PAM: variants seen among roughly 807,000 people sequenced by gnomAD.
PAM encodes peptidyl-glycine alpha-amidating monooxygenase.
In PAM, 72 loss-of-function variants were observed where a neutral mutation model predicts 122.1. The ratio of observed to expected loss-of-function variants is 0.59; its 90% CI spans 0.49 to 0.72. The LOEUF (loss-of-function observed/expected upper bound fraction) is 0.72. Ranked by LOEUF, PAM falls within the 30% of genes least tolerant of loss-of-function variation. PAM has a pLI of 0.00. For synonymous variants in PAM, 389 were observed against 404.4 expected, an observed-to-expected ratio of 0.96 and a Z score of 0.46; for missense variants, 1,106 against 1,183.7, an observed-to-expected ratio of 0.93 and a Z score of 0.96.
In PAM at chr5:102,974,199, G is replaced by A. The variant is rs1766848034; in HGVS notation, c.1246G>A (p.Ala416Thr). Residue 416 changes from alanine to threonine, a missense_variant, in exon 15 of 26, where the codon GCA becomes ACA. By Grantham distance (58) the Ala-to-Thr change is moderately conservative. This residue lies in a region of PAM where 670 missense variants were observed against 690.3 expected (regional missense o/e 0.97). Transcript: ENST00000438793. Reference sequence around the variant, plus strand: ...GCACAAATATAATCCTACAGAAAAGGCAGAATCAGAGTCAGACCTGGTAGC... The same window carrying A: ...GCACAAATATAATCCTACAGAAAAGACAGAATCAGAGTCAGACCTGGTAGC... ...HVHKYNPTEK[A>T]ESESDLVAEI... 2 of 1,613,684 alleles carry A rather than the reference G, an allele frequency of 1.2e-6. No individual in the cohort carries two copies. Among genetic ancestry groups the A allele is most frequent in the Admixed American group, 1.7e-5 (1 of 59,952 alleles).
In PAM at chr5:103,029,031, C is replaced by T. The variant is rs1785826595; in HGVS notation, c.2888C>T (p.Ala963Val). Residue 963 changes from alanine (A) to valine (V), a missense_variant, in exon 26 of 26, where the codon GCA (alanine) becomes GTA (valine). Transcript: ENST00000438793. ...AGTGAATCAGAAGAGGAGTATTCAG[C>T]ACCTCTGCCTGCGCTCGCACCTTCC... is the stretch of plus-strand genomic sequence containing the variant. ...DGSESEEEYSAPLPALAPSSS is the reference protein window; with the variant it reads ...DGSESEEEYSVPLPALAPSSS The T allele has an allele frequency of 6.2e-7, 1 of 1,612,596 alleles. No individual in the cohort carries two copies. Among genetic ancestry groups the T allele is most frequent in the South Asian group, 1.1e-5 (1 of 90,784 alleles).
intron 1 of PAM, among the ~76,000 whole-genome samples, chr5:102,805,610 A>G (rs1766015949): frequency 6.6e-6 from 1 of 152,156 alleles, no homozygotes; most frequent in Non-Finnish European, 1.5e-5. Flanking sequence ...GTGGGTGTGT[A>G]CTTCACAAGG....
intron 1 of PAM, among the ~76,000 whole-genome samples, chr5:102,835,569 CA>C: frequency 6.6e-6 from 1 of 151,920 alleles, no homozygotes; most frequent in Middle Eastern, 3.4e-3. Context: ...AAGAACCCCA[CA>C]AGTGTGAGGG....
Position 102,840,732 on chromosome 5 carries a change from C to G in PAM, c.-373-25091C>G, listed in dbSNP as rs541365630. ...CAGCCCCCATTCTCATGGTCCAATA[C>G]AGCTGTTAAGCCTCCAATCATCACA... is the stretch of plus-strand genomic sequence containing the variant. On this transcript the variant is annotated intron_variant, in intron 1 of 25. Coordinates refer to ENST00000438793, the MANE Select transcript of PAM (RefSeq NM_001177306.2). 2.0e-5 allele frequency among the ~76,000 whole-genome samples: 3 copies of G among 152,316 alleles called. No individual in the cohort carries two copies. The East Asian group carries it at 5.8e-4, about 29-fold the overall frequency.
intron 1 of PAM, among the ~76,000 whole-genome samples, chr5:102,780,707 T>C (rs1758512532): frequency 1.3e-5 from 2 of 152,182 alleles, no homozygotes; most frequent in Non-Finnish European, 2.9e-5. Flanking sequence ...TGAAAAATCA[T>C]TGCTCTAAGG....
intron 1 of PAM, among the ~76,000 whole-genome samples, chr5:102,815,531 T>A (rs1769490019): frequency 1.3e-5 from 2 of 152,186 alleles, no homozygotes; most frequent in South Asian, 4.1e-4. Flanking sequence ...TTCTTTGATA[T>A]CACTGTAGCT....
At chr5:102,920,351 G>C (rs1746976927) in intron 5 of PAM, among the ~76,000 whole-genome samples, 1 of 151,992 alleles carries the variant, frequency 6.6e-6, no homozygotes, top group Admixed American at 6.6e-5. Flanking sequence ...GGAGAATTTG[G>C]TATGAATAAA....
intron 12 of PAM, among the ~76,000 whole-genome samples, chr5:102,952,117 T>TA (rs1239580044): frequency 2.0e-5 from 3 of 152,028 alleles, no homozygotes; most frequent in African/African-American, 4.8e-5. Flanking sequence ...AATAGAGCAG[T>TA]AAAAAAATCC....
chr5:102,837,195 G>A (rs1777334143), intron 1 of PAM, among the ~76,000 whole-genome samples: 1 of 152,102 alleles, frequency 6.6e-6, no homozygotes, highest in African/African-American at 2.4e-5. Context: ...TAATTATAAT[G>A]TATTTCAGAG....
intron 14 of PAM, among the ~76,000 whole-genome samples, chr5:102,969,489 G>C (rs989317773): frequency 1.3e-5 from 2 of 152,094 alleles, no homozygotes; most frequent in African/African-American, 4.8e-5. Flanking sequence ...TCTGAGGAAG[G>C]AGAAGAGTCT....
intron 1 of PAM, among the ~76,000 whole-genome samples, chr5:102,836,320 T>G (rs1028515109): frequency 2.0e-5 from 3 of 152,250 alleles, no homozygotes; most frequent in African/African-American, 7.2e-5. Flanking sequence ...ACTGATGTTC[T>G]GGCTATCAGT....
intron 1 of PAM, among the ~76,000 whole-genome samples, chr5:102,766,023 A>G (rs1334600936): frequency 6.6e-6 from 1 of 152,094 alleles, no homozygotes; most frequent in Non-Finnish European, 1.5e-5. Flanking sequence ...CACATACAAG[A>G]AAGGGTAATC....
At chr5:103,019,506 T>A (rs1782967506) in intron 22 of PAM, among the ~76,000 whole-genome samples, 1 of 152,116 alleles carries the variant, frequency 6.6e-6, no homozygotes, top group Admixed American at 6.5e-5. Context: ...TGAAGGCAGA[T>A]CTGCTTGGTC....
At chr5:102,893,625 G>T (rs1298866438) in intron 3 of PAM, among the ~76,000 whole-genome samples, 2 of 151,658 alleles carry the variant, frequency 1.3e-5, no homozygotes, top group East Asian at 1.9e-4. Context: ...TGCTTTTGTA[G>T]TATATCACTT....
intron 1 of PAM, among the ~76,000 whole-genome samples, chr5:102,774,639 T>A (rs1389387633): frequency 6.6e-6 from 1 of 152,096 alleles, no homozygotes; most frequent in East Asian, 1.9e-4. Context: ...TTCAGGTGCT[T>A]ATTGAACATC....
intron 24 of PAM, 43 bp from the exon 25 acceptor site, chr5:103,028,142 A>C (rs1785515746): frequency 1.3e-6 from 2 of 1,519,454 alleles, no homozygotes; most frequent in Admixed American, 1.7e-5. Flanking sequence ...GTTGAGAAAG[A>C]TGACTGGGAC....
intron 1 of PAM, among the ~76,000 whole-genome samples, chr5:102,757,361 A>G (rs1750723347): frequency 6.6e-6 from 1 of 152,186 alleles, no homozygotes; most frequent in Admixed American, 6.5e-5. Flanking sequence ...TAGATAAAAA[A>G]TCATTTGGTG....
chr5:102,899,965 C>A (rs1010589891), intron 3 of PAM, among the ~76,000 whole-genome samples: 6 of 151,438 alleles, frequency 4.0e-5, no homozygotes, highest in Non-Finnish European at 5.9e-5. Context: ...GAACAAGGTG[C>A]CCACTGGACT....
intron 1 of PAM, among the ~76,000 whole-genome samples, chr5:102,824,944 G>T (rs1024138401): frequency 6.6e-6 from 1 of 152,178 alleles, no homozygotes. Context: ...GCAAGATTTT[G>T]AAATGGTCAG....
Sources: allele counts gnomAD v4.1 joint callset (sites outside exome capture counted in the v4.1 genomes callset), GRCh38; gene constraint gnomAD v4.1.1; regional missense constraint gnomAD v4.1.1; transcripts MANE v1.5; gene names NCBI Gene and HGNC (gene_info 2026-07-23, HGNC 2026-07-21).